UGT1A5: variants seen among roughly 807,000 people sequenced by gnomAD.
UGT1A5 encodes UDP glucuronosyltransferase family 1 member A5.
In UGT1A5, 29 loss-of-function variants were observed where a neutral mutation model predicts 40.3. That is an observed-to-expected ratio of 0.72 (90% CI 0.54 to 0.98). UGT1A5 has a LOEUF of 0.98. Ranked by LOEUF, UGT1A5 falls within the 50% of genes least tolerant of loss-of-function variation. UGT1A5 has a pLI of 0.00. For missense variants in UGT1A5, 678 were observed against 677.9 expected (o/e 1.00, Z 0.00); for synonymous variants, 257 against 262.5 (o/e 0.98, Z 0.20).
At chr2:233,743,088 A>T (rs942184123) in intron 1 of UGT1A5, 6 of 346,134 alleles carry the variant, frequency 1.7e-5, no homozygotes, top group African/African-American at 1.3e-4. Context: ...AGTGTTTATA[A>T]ATTCTTGGGT....
intron 1 of UGT1A5, chr2:233,761,153 T>C (rs772088902): frequency 6.2e-7 from 1 of 1,614,188 alleles, no homozygotes; most frequent in Non-Finnish European, 8.5e-7. Flanking sequence ...CTATCCCAGG[T>C]GTGTATTGGA....
chr2:233,751,022 C>T (rs902181349), intron 1 of UGT1A5, among the ~76,000 whole-genome samples: 2 of 151,802 alleles, frequency 1.3e-5, no homozygotes, highest in Non-Finnish European at 2.9e-5. Flanking sequence ...ATAGTAGATC[C>T]AATAGCTTGC....
At chr2:233,765,745 A>G (rs554567026) in intron 1 of UGT1A5, among the ~76,000 whole-genome samples, 1 of 151,724 alleles carries the variant, frequency 6.6e-6, no homozygotes, top group Non-Finnish European at 1.5e-5. Context: ...AAACCCATAA[A>G]GCCATTTGAG....
intron 1 of UGT1A5, among the ~76,000 whole-genome samples, chr2:233,717,005 G>A (rs2125651164): frequency 6.6e-6 from 1 of 152,262 alleles, no homozygotes; most frequent in South Asian, 2.1e-4. Context: ...GGGCCCCTAT[G>A]TCTCTGAAGG....
In UGT1A5 at chr2:233,724,671, T is replaced by C. The variant is rs376440949; in HGVS notation, c.867+10813T>C. On this transcript the variant is annotated intron_variant, in intron 1 of 4. Coordinates refer to ENST00000373414, the MANE Select transcript of UGT1A5 (RefSeq NM_019078.2). ...CTGGGAAGAGGCGCTCCTCACTTCC[T>C]AGATGGGATGGCGGCCGGGTGAAGA... 3.9e-4 allele frequency among the ~76,000 whole-genome samples: 56 copies of C among 142,288 alleles called. 1 individual carries two copies. Among genetic ancestry groups the C allele is most frequent in the Non-Finnish European group, 7.5e-4 (49 of 65,750 alleles). The allele number at this position is 142,288 out of a possible 152,430, so 93.3% of individuals were successfully genotyped here.
chr2:233,739,708 G>C lies in UGT1A5; in HGVS notation c.867+25850G>C, dbSNP rs578128950. Reference sequence around the variant, plus strand: ...TGTTTTTGATTTTACAGGCTCATGGGGGAAGGGACTTGACTTGTCTCAGAT... The same window carrying C: ...TGTTTTTGATTTTACAGGCTCATGGCGGAAGGGACTTGACTTGTCTCAGAT... On this transcript the variant is annotated intron_variant, in intron 1 of 4. Coordinates refer to ENST00000373414, the MANE Select transcript of UGT1A5 (RefSeq NM_019078.2). 2.0e-5 allele frequency among the ~76,000 whole-genome samples: 3 copies of C among 152,316 alleles called. No homozygotes were observed. The East Asian group carries it at 5.8e-4, about 29-fold the overall frequency.
intron 1 of UGT1A5, 81 bp downstream of exon 1, chr2:233,713,939 T>G: frequency 6.2e-7 from 1 of 1,610,264 alleles, no homozygotes; most frequent in Non-Finnish European, 8.5e-7. Context: ...AGTGCTTCCA[T>G]ATCTACTTAT....
In UGT1A5 at chr2:233,718,773, C is replaced by G. The variant is rs374057137; in HGVS notation, c.867+4915C>G. Reference sequence around the variant, plus strand: ...ATTAAGGCGAAGGAAACAAATGTAGCAGGCACAGCGTGGGGTGGACAGTCA... The same window carrying G: ...ATTAAGGCGAAGGAAACAAATGTAGGAGGCACAGCGTGGGGTGGACAGTCA... On this transcript the variant is annotated intron_variant, in intron 1 of 4. Coordinates refer to ENST00000373414, the MANE Select transcript of UGT1A5 (RefSeq NM_019078.2). 9.1e-5 allele frequency: 147 copies of G among 1,612,730 alleles called. 1 individual carries two copies. Among genetic ancestry groups the G allele is most frequent in the Middle Eastern group, 6.0e-4 (3 of 4,988 alleles).
chr2:233,766,694 C>G (rs996253647), intron 1 of UGT1A5, among the ~76,000 whole-genome samples: 7 of 152,162 alleles, frequency 4.6e-5, no homozygotes, highest in Non-Finnish European at 1.0e-4. Context: ...ATCACTGATG[C>G]CTTGCTCTGT....
intron 1 of UGT1A5, among the ~76,000 whole-genome samples, chr2:233,735,018 T>G (rs1362396194): frequency 6.6e-6 from 1 of 152,220 alleles, no homozygotes; most frequent in Non-Finnish European, 1.5e-5. Flanking sequence ...GTTCTGTAGA[T>G]GTCTATTAGG....
chr2:233,739,588 C>T (rs1487878859), intron 1 of UGT1A5, among the ~76,000 whole-genome samples: 1 of 152,180 alleles, frequency 6.6e-6, no homozygotes, highest in Non-Finnish European at 1.5e-5. Context: ...TTGCATGGGG[C>T]CTATAGCCCC....
intron 1 of UGT1A5, among the ~76,000 whole-genome samples, chr2:233,724,596 C>G (rs202203863): frequency 0.33 from 37,419 of 112,546 alleles, 7,358 homozygotes; most frequent in African/African-American, 0.51. Context: ...ACATCTCAGA[C>G]GATGGGCGGC....
chr2:233,713,052 A>G lies in UGT1A5; in HGVS notation c.61A>G (p.Ser21Gly). The change falls in exon 1 of 5, where the codon AGT becomes GGT. Residue 21 changes from serine (S) to glycine (G), a missense_variant. Ser to Gly is a moderately conservative substitution (Grantham distance 56, BLOSUM62 0). Coordinates refer to ENST00000373414, the MANE Select transcript of UGT1A5 (RefSeq NM_019078.2). ...GGCCACAGGACTGCTGCTTCTCCTC[A>G]GTGTCCAGCCCTGGGCTGAGAGTGG... ...QLATGLLLLL[S>G]VQPWAESGKV... 1 of 1,614,106 alleles carries G rather than the reference A, an allele frequency of 6.2e-7. No homozygotes were observed. The highest frequency in any genetic ancestry group is 8.5e-7 in the Non-Finnish European group (1 of 1,180,022).
intron 1 of UGT1A5, chr2:233,718,998 G>A: frequency 1.9e-6 from 3 of 1,614,266 alleles, no homozygotes; most frequent in Non-Finnish European, 2.5e-6. Flanking sequence ...CCAGGCGGTG[G>A]TCCTCACCCC....
At chr2:233,765,047 G>T (rs1698737192) in intron 1 of UGT1A5, among the ~76,000 whole-genome samples, 1 of 151,990 alleles carries the variant, frequency 6.6e-6, no homozygotes, top group Non-Finnish European at 1.5e-5. Context: ...AATTGCGTTT[G>T]CTGAGCCCTG....
At chr2:233,770,241 C>G (rs1700043521) in intron 4 of UGT1A5, 1 of 152,162 alleles carries the variant, frequency 6.6e-6, no homozygotes, top group Non-Finnish European at 1.5e-5. Context: ...CTCCATGATT[C>G]CAACACTCTG....
At chr2:233,757,535 A>AAT (rs67292694) in intron 1 of UGT1A5, among the ~76,000 whole-genome samples, 7,470 of 88,184 alleles carry the variant, frequency 0.085, 593 homozygotes, top group East Asian at 0.11. Context: ...GCCTGTAAGG[A>AAT]ATATATATAT....
chr2:233,746,482 T>A (rs1022385287), intron 1 of UGT1A5, among the ~76,000 whole-genome samples: 2 of 151,822 alleles, frequency 1.3e-5, no homozygotes, highest in Non-Finnish European at 2.9e-5. Context: ...ACACTTTCCA[T>A]GGACATGTCA....
intron 4 of UGT1A5, chr2:233,770,813 A>G (rs910931761): frequency 2.0e-5 from 3 of 152,228 alleles, no homozygotes; most frequent in African/African-American, 7.2e-5. Flanking sequence ...ACAGTGTATT[A>G]GGCTGTTCTT....
Sources: allele counts gnomAD v4.1 joint callset (sites outside exome capture counted in the v4.1 genomes callset), GRCh38; gene constraint gnomAD v4.1.1; transcripts MANE v1.5; gene names NCBI Gene and HGNC (gene_info 2026-07-23, HGNC 2026-07-21).